DOCK4: variants seen among roughly 807,000 people sequenced by gnomAD.
DOCK4 encodes the protein dedicator of cytokinesis protein 4.
A neutral mutation model predicts 268.1 loss-of-function variants in DOCK4; 97 were observed. The ratio of observed to expected loss-of-function variants is 0.36; its 90% CI spans 0.31 to 0.43. DOCK4 has a LOEUF of 0.43. Ranked by LOEUF, DOCK4 falls within the 20% of genes least tolerant of loss-of-function variation. The probability of loss-of-function intolerance (pLI) is 1.00; values close to 1 mark genes in which losing one functional copy is unlikely to be tolerated. For synonymous variants in DOCK4, 954 were observed against 887.2 expected, an observed-to-expected ratio of 1.08 and a Z score of -1.34; for missense variants, 2,145 against 2,455.7, an observed-to-expected ratio of 0.87 and a Z score of 2.67.
At chr7:112,064,475 A>C (rs1806740480) in intron 1 of DOCK4, among the ~76,000 whole-genome samples, 1 of 152,188 alleles carries the variant, frequency 6.6e-6, no homozygotes, top group South Asian at 2.1e-4. Context: ...TATCACTTAC[A>C]ATTCCTCCAT....
At chr7:111,815,997 A>T (rs2133935490) in intron 27 of DOCK4, among the ~76,000 whole-genome samples, 1 of 152,294 alleles carries the variant, frequency 6.6e-6, no homozygotes, top group African/African-American at 2.4e-5. Flanking sequence ...TTTGACAATC[A>T]TAATCTACAG....
chr7:111,812,927 G>A (rs1185622002), intron 27 of DOCK4, among the ~76,000 whole-genome samples: 1 of 152,202 alleles, frequency 6.6e-6, no homozygotes, highest in Non-Finnish European at 1.5e-5. Context: ...GCTCGCTGGG[G>A]AGATTTTAAA....
chr7:111,826,439 C>A (rs892192916), intron 26 of DOCK4, among the ~76,000 whole-genome samples: 7 of 151,926 alleles, frequency 4.6e-5, no homozygotes, highest in East Asian at 1.9e-4. Context: ...TTTAACTGTA[C>A]CATATAAAAA....
chr7:112,198,193 C>A lies in DOCK4; in HGVS notation c.37+7909G>T, dbSNP rs1030880347. 3.3e-5 allele frequency among the ~76,000 whole-genome samples: 5 copies of A among 151,912 alleles called. No individual in the cohort carries two copies. The South Asian group carries it at 8.3e-4, about 25-fold the overall frequency. On this transcript the variant is annotated intron_variant, in intron 1 of 52. Transcript: ENST00000428084. The stretch of plus-strand genomic sequence containing the variant: ...GGAGCCTTCATGATGGGATTCGTGA[C>A]CTTATAAGAAGAGATGAGAGAAAGC...
rs532456753 is a variant in DOCK4 at position 111,770,620 on chromosome 7, C to A, written c.3680-943G>T. Among the ~76,000 whole-genome samples the A allele has an allele frequency of 1.7e-4, 26 of 152,238 alleles. No individual in the cohort carries two copies. The South Asian group carries it at 5.0e-3, about 29-fold the overall frequency. On this transcript the variant is annotated intron_variant, in intron 36 of 52. Coordinates refer to ENST00000428084, the MANE Select transcript of DOCK4 (RefSeq NM_001363540.2). The stretch of plus-strand genomic sequence containing the variant: ...TAGCCCAATAGATCAAGAATAGGAA[C>A]CAGAATTGTCACTGATAAAGGACTA...
chr7:111,934,543 T>TG (rs1794550588), intron 12 of DOCK4, among the ~76,000 whole-genome samples: 1 of 146,594 alleles, frequency 6.8e-6, no homozygotes, highest in African/African-American at 2.5e-5. Context: ...TTTTTTTTTT[T>TG]TTTTTAGACA....
chr7:111,829,458 T>C (rs1436416560), intron 26 of DOCK4, among the ~76,000 whole-genome samples: 3 of 152,208 alleles, frequency 2.0e-5, no homozygotes, highest in Non-Finnish European at 2.9e-5. Context: ...GCACCACAAC[T>C]GGCTCATGGC....
chr7:111,939,006 G>A (rs1794982949), intron 11 of DOCK4, among the ~76,000 whole-genome samples: 1 of 150,700 alleles, frequency 6.6e-6, no homozygotes, highest in Admixed American at 6.6e-5. Context: ...GGGGGTGGGG[G>A]ATTGGACCCA....
Position 111,765,154 on chromosome 7 carries a change from A to G in DOCK4, c.3984T>C (p.Val1328=). 1.9e-6 allele frequency: 3 copies of G among 1,542,464 alleles called. No homozygotes were observed. The highest frequency in any genetic ancestry group is 2.6e-6 in the Non-Finnish European group (3 of 1,147,578). The part of the protein sequence containing the change: ...QQRLEPEFFR[V]GFYGKKFPFF... ...ATGGAAATTTTTTTCCATAAAATCCAACTCTGAAGAACTCTGGTTCAAGAC... is the reference window on the plus strand; with the variant it reads ...ATGGAAATTTTTTTCCATAAAATCCGACTCTGAAGAACTCTGGTTCAAGAC... Residue 1328 remains valine (V), a synonymous_variant, in exon 39 of 53, where the codon GTT becomes GTC. Transcript: ENST00000428084.
intron 40 of DOCK4, 146 bp from the exon 41 acceptor site, chr7:111,758,936 A>T (rs1329293275): frequency 4.2e-6 from 3 of 709,796 alleles, no homozygotes. Flanking sequence ...TACCAAGAAG[A>T]CGCCAGGAAC....
intron 1 of DOCK4, among the ~76,000 whole-genome samples, chr7:112,041,797 CA>C (rs1180871197): frequency 3.3e-5 from 5 of 152,188 alleles, no homozygotes; most frequent in African/African-American, 1.2e-4. Flanking sequence ...CCCATCCCCC[CA>C]CAACCCTAAA....
At chr7:112,055,395 G>T (rs753312024) in intron 1 of DOCK4, among the ~76,000 whole-genome samples, 1 of 152,092 alleles carries the variant, frequency 6.6e-6, no homozygotes, top group Non-Finnish European at 1.5e-5. Flanking sequence ...CTGTAGATAC[G>T]CCAATGAACC....
At chr7:111,863,705 C>T (rs1805745397) in intron 22 of DOCK4, 141 bp from the exon 23 acceptor site, 1 of 923,406 alleles carries the variant, frequency 1.1e-6, no homozygotes, top group East Asian at 2.9e-5. Flanking sequence ...TTACCTAAAG[C>T]TAAAAGGTAA....
chr7:111,825,954 T>C (rs752516647), intron 26 of DOCK4, among the ~76,000 whole-genome samples: 2 of 152,216 alleles, frequency 1.3e-5, no homozygotes, highest in African/African-American at 2.4e-5. Flanking sequence ...TGCTTTACTA[T>C]GTGCCAGGCA....
rs1300087993 is a variant in DOCK4, at chr7:111,988,602, C to A, written c.464+413G>T. Reference sequence around the variant, plus strand: ...TAAGACTTTTCACAGAAGCTGTTAACATTAGTGTCTCCCTCCGGATTACAC... The same window carrying A: ...TAAGACTTTTCACAGAAGCTGTTAAAATTAGTGTCTCCCTCCGGATTACAC... On this transcript the variant is annotated intron_variant, in intron 6 of 52. Transcript: ENST00000428084. 2.0e-5 allele frequency among the ~76,000 whole-genome samples: 3 copies of A among 152,168 alleles called. 1 individual carries two copies. Among genetic ancestry groups the A allele is most frequent in the Non-Finnish European group, 4.4e-5 (3 of 68,024 alleles).
At chr7:112,022,778 T>C (rs914280430) in intron 1 of DOCK4, among the ~76,000 whole-genome samples, 2 of 152,184 alleles carry the variant, frequency 1.3e-5, no homozygotes, top group African/African-American at 2.4e-5. Context: ...TTAGCATCAG[T>C]AAATGTTTCC....
intron 1 of DOCK4, among the ~76,000 whole-genome samples, chr7:112,035,188 TC>T (rs1186010596): frequency 6.6e-6 from 1 of 152,068 alleles, no homozygotes; most frequent in African/African-American, 2.4e-5. Flanking sequence ...GACAAATTAG[TC>T]CCAGATAAAG....
At chr7:111,851,945 C>T (rs1039869376) in intron 23 of DOCK4, among the ~76,000 whole-genome samples, 2 of 149,730 alleles carry the variant, frequency 1.3e-5, no homozygotes, top group Non-Finnish European at 3.0e-5. Context: ...CTCTCTCTCT[C>T]TCTCTCTCCT....
At chr7:112,017,555 C>T (rs1801916831) in intron 1 of DOCK4, among the ~76,000 whole-genome samples, 1 of 152,184 alleles carries the variant, frequency 6.6e-6, no homozygotes, top group Non-Finnish European at 1.5e-5. Flanking sequence ...TGTTTCTCCA[C>T]CTGACCTAGA....
Sources: gnomAD v4.1 joint callset for allele counts (sites outside exome capture counted in the v4.1 genomes callset) on GRCh38, gnomAD v4.1.1 for gene constraint, MANE v1.5 for transcripts, NCBI Gene and HGNC (gene_info 2026-07-23, HGNC 2026-07-21) for gene names.